OVCH1: variants seen among roughly 807,000 people sequenced by gnomAD.
The protein encoded by OVCH1 is ovochymase-1.
Under a neutral mutation model 138.4 loss-of-function variants are expected in OVCH1, and 139 were observed. That is an observed-to-expected ratio of 1.00 (90% CI 0.87 to 1.16). OVCH1 has a LOEUF of 1.16. Among genes scored for constraint, OVCH1 ranks in the 50% most tolerant of loss-of-function variants. OVCH1 has a pLI of 0.00. For synonymous variants in OVCH1, 453 were observed against 467.8 expected (o/e 0.97, Z 0.41); for missense variants, 1,367 against 1,357.9 (o/e 1.01, Z -0.11).
intron 8 of OVCH1, among the ~76,000 whole-genome samples, chr12:29,485,822 A>T (rs1171653243): frequency 6.6e-6 from 1 of 151,584 alleles, no homozygotes; most frequent in East Asian, 1.9e-4. Flanking sequence ...GGGTGCCTGT[A>T]GTCCTAGCTA....
downstream of OVCH1, among the ~76,000 whole-genome samples, chr12:29,411,002 G>GCTCA (rs1940947440): frequency 6.6e-6 from 1 of 151,174 alleles, no homozygotes; most frequent in Non-Finnish European, 1.5e-5. Flanking sequence ...TGGAGGCTTA[G>GCTCA]TTTTTTTTAT....
exon 10 of OVCH1, chr12:29,477,574 C>T: frequency 6.2e-7 from 1 of 1,613,722 alleles, no homozygotes; most frequent in Non-Finnish European, 8.5e-7. Flanking sequence ...TGAGAGATCT[C>T]TGATCTAAAC....
At chr12:29,431,287 T>TG (rs1186844236) in intron 27 of OVCH1, among the ~76,000 whole-genome samples, 9 of 151,878 alleles carry the variant, frequency 5.9e-5, no homozygotes, top group African/African-American at 2.2e-4. Context: ...AAAACAAAAG[T>TG]GCTAGCCAGG....
downstream of OVCH1, among the ~76,000 whole-genome samples, chr12:29,423,982 C>T (rs755062836): frequency 1.6e-4 from 24 of 152,182 alleles, no homozygotes; most frequent in East Asian, 3.9e-4. Context: ...CCAGCTCGGT[C>T]GGGGAGACCC....
chr12:29,432,483 A>AGAT (rs982323765), intron 27 of OVCH1, among the ~76,000 whole-genome samples: 1 of 152,188 alleles, frequency 6.6e-6, no homozygotes, highest in African/African-American at 2.4e-5. Context: ...AAGGTGGGAA[A>AGAT]GATTGGTGGA....
At chr12:29,415,296 T>C (rs1418637837) in intron 3 of OVCH1, among the ~76,000 whole-genome samples, 1 of 152,136 alleles carries the variant, frequency 6.6e-6, no homozygotes, top group Non-Finnish European at 1.5e-5. Flanking sequence ...CGACTGTGGA[T>C]ATTAGAAGAC....
chr12:29,438,489 T>A (rs1478915685), intron 26 of OVCH1, among the ~76,000 whole-genome samples: 1 of 152,154 alleles, frequency 6.6e-6, no homozygotes, highest in Admixed American at 6.5e-5. Flanking sequence ...TCCATTGGGA[T>A]TTAGTTGGAA....
At chr12:29,405,525 C>T in the OVCH1 span, among the ~76,000 whole-genome samples, 5 of 152,276 alleles carry the variant, frequency 3.3e-5, no homozygotes, top group South Asian at 8.3e-4. Context: ...GGCTAAAACA[C>T]GGATTGCAGA....
exon 5 of OVCH1, chr12:29,491,184 C>T: frequency 2.5e-6 from 4 of 1,613,352 alleles, no homozygotes; most frequent in South Asian, 1.1e-5. Flanking sequence ...ATTGGCTGAA[C>T]AGCATTTCCT....
intron 3 of OVCH1, among the ~76,000 whole-genome samples, chr12:29,412,947 A>G (rs1383018528): frequency 1.3e-5 from 2 of 150,588 alleles, no homozygotes; most frequent in Non-Finnish European, 3.0e-5. Flanking sequence ...TCCTGGCTCA[A>G]ATGATCCTGC....
At chr12:29,438,538 G>A (rs1034056746) in intron 26 of OVCH1, among the ~76,000 whole-genome samples, 1 of 152,046 alleles carries the variant, frequency 6.6e-6, no homozygotes. Flanking sequence ...ATTAATATGA[G>A]TTATATCTTT....
Position 29,457,996 on chromosome 12 carries a change from G to C in OVCH1, c.2281-2591C>G, listed in dbSNP as rs945287430. 3.1e-4 allele frequency among the ~76,000 whole-genome samples: 47 copies of C among 152,292 alleles called. 1 individual carries two copies. Among genetic ancestry groups the C allele is most frequent in the Non-Finnish European group, 5.4e-4 (37 of 68,024 alleles). On this transcript the variant is annotated intron_variant, in intron 19 of 27. Transcript: ENST00000318184. ...TATCTGGGCTTAGGCTCTAAGGCAA[G>C]ATATGGTCAGTTGGAAGGCTAGAAG...
chr12:29,479,885 G>A (rs550197933), intron 8 of OVCH1, among the ~76,000 whole-genome samples: 298 of 147,114 alleles, frequency 2.0e-3, no homozygotes, highest in Non-Finnish European at 3.7e-3. Context: ...GTGCAGTGGC[G>A]CAATCTCAGC....
Position 29,483,593 on chromosome 12 carries a change from C to G in OVCH1, c.995+2653G>C, listed in dbSNP as rs1943002665. ...CCTCTGCAATTAAGTCCCGATCATCCTTTCTATTCTCATCATCCACTGCTA... is the reference window on the plus strand; with the variant it reads ...CCTCTGCAATTAAGTCCCGATCATCGTTTCTATTCTCATCATCCACTGCTA... On this transcript the variant is annotated intron_variant, in intron 8 of 27. Coordinates refer to ENST00000318184, the Ensembl canonical transcript of OVCH1. 3.3e-5 allele frequency among the ~76,000 whole-genome samples: 5 copies of G among 152,140 alleles called. No homozygotes were observed. In the South Asian group the frequency reaches 1.0e-3, roughly 32 times the overall value.
At chr12:29,442,857 ATT>A (rs913730150) in intron 25 of OVCH1, among the ~76,000 whole-genome samples, 1 of 151,936 alleles carries the variant, frequency 6.6e-6, no homozygotes, top group African/African-American at 2.4e-5. Flanking sequence ...TTTCAGTAGC[ATT>A]TTTCTCATTG....
At chr12:29,449,264 T>G (rs1004479461) in intron 22 of OVCH1, among the ~76,000 whole-genome samples, 2 of 139,864 alleles carry the variant, frequency 1.4e-5, no homozygotes, top group Non-Finnish European at 3.1e-5. Flanking sequence ...TCTTGCCTTT[T>G]TCCCCCCTCC....
At chr12:29,403,456 G>T in the OVCH1 span, among the ~76,000 whole-genome samples, 1 of 152,154 alleles carries the variant, frequency 6.6e-6, no homozygotes, top group South Asian at 2.1e-4. Context: ...GATACATTTT[G>T]GTGCAATGTG....
At chr12:29,419,931 G>T (rs1281073432) in intron 3 of OVCH1, among the ~76,000 whole-genome samples, 1 of 152,176 alleles carries the variant, frequency 6.6e-6, no homozygotes, top group Non-Finnish European at 1.5e-5. Flanking sequence ...ACCTATTCAA[G>T]AGTAAAGTTG....
At chr12:29,472,088 G>C in intron 15 of OVCH1, 106 bp from the exon 16 acceptor site, 1 of 1,164,972 alleles carries the variant, frequency 8.6e-7, no homozygotes, top group South Asian at 1.7e-5. Flanking sequence ...ACATCAGATA[G>C]GCTTTATAAT....
Sources: allele counts gnomAD v4.1 joint callset (sites outside exome capture counted in the v4.1 genomes callset), GRCh38; gene constraint gnomAD v4.1.1; transcripts MANE v1.5; gene names NCBI Gene and HGNC (gene_info 2026-07-23, HGNC 2026-07-21).